FBN3: variants seen among roughly 807,000 people sequenced by gnomAD.
FBN3 encodes the protein fibrillin-3.
In FBN3, 234 loss-of-function variants were observed where a neutral mutation model predicts 330.1. The observed-to-expected ratio is 0.71, with a 90% CI of 0.64 to 0.79. The LOEUF is 0.79. Among genes scored for constraint, FBN3 ranks in the 30% least tolerant of loss-of-function variants. The pLI is 0.00. For missense variants in FBN3, 3,606 were observed against 3,886.9 expected (o/e 0.93, Z 1.92); for synonymous variants, 1,458 against 1,517.3 (o/e 0.96, Z 0.91).
intron 63 of FBN3, among the ~76,000 whole-genome samples, chr19:8,070,963 G>A (rs998571464): frequency 5.3e-5 from 8 of 151,548 alleles, no homozygotes; most frequent in East Asian, 1.9e-4. Flanking sequence ...CAGAGATTGC[G>A]GTCAGCCGAG....
chr19:8,118,988 G>C lies in FBN3; in HGVS notation c.3246C>G (p.Cys1082Trp), dbSNP rs1256921857. 6.2e-7 allele frequency: 1 copy of C among 1,609,786 alleles called. No homozygotes were observed. The highest frequency in any genetic ancestry group is 8.5e-7 in the Non-Finnish European group (1 of 1,176,568). Reference sequence around the variant, plus strand: ...CCGTGTTGGTGCAAGTGCCTCCCCGGCAGAGCAGCGGGTCCCTTGCACACT... The same window carrying C: ...CCGTGTTGGTGCAAGTGCCTCCCCGCCAGAGCAGCGGGTCCCTTGCACACT... ...VDECARDPLLCRGGTCTNTDG... is the reference protein window; with the variant it reads ...VDECARDPLLWRGGTCTNTDG... Residue 1082 changes from cysteine (C) to tryptophan (W), a missense_variant, in exon 26 of 64, where the codon TGC becomes TGG. By Grantham distance (215) the Cys-to-Trp change is radical. Transcript: ENST00000600128.
At chr19:8,090,872 G>T (rs1157716090) in intron 48 of FBN3, among the ~76,000 whole-genome samples, 1 of 152,106 alleles carries the variant, frequency 6.6e-6, no homozygotes, top group Non-Finnish European at 1.5e-5. Flanking sequence ...ATCAAACTTG[G>T]TGGTTACTCT....
intron 8 of FBN3, among the ~76,000 whole-genome samples, chr19:8,140,054 C>T (rs1198573355): frequency 2.0e-5 from 3 of 152,182 alleles, no homozygotes; most frequent in Admixed American, 6.5e-5. Context: ...GATCAACAGA[C>T]TCCTCCAAAG....
chr19:8,081,522 A>C, intron 57 of FBN3, 42 bp from the exon 58 acceptor site: 1 of 1,555,586 alleles, frequency 6.4e-7, no homozygotes, highest in Non-Finnish European at 8.7e-7. Flanking sequence ...GGTTAGACAG[A>C]CATTCCCTGG....
Position 8,096,062 on chromosome 19 carries a change from C to A in FBN3, c.5558G>T (p.Arg1853Leu). Reference sequence around the variant, plus strand: ...GCAGGTCCCATTTCCACAAGGCTGCCGGTCACACTCGTCAATGTCTGCAGA... The same window carrying A: ...GCAGGTCCCATTTCCACAAGGCTGCAGGTCACACTCGTCAATGTCTGCAGA... ...TLCMDIDECD[R>L]QPCGNGTCKN... Residue 1853 changes from arginine to leucine, a missense_variant, in exon 45 of 64, where the codon CGG becomes CTG. Arg to Leu is a moderately radical substitution (Grantham distance 102, BLOSUM62 -2). Transcript: ENST00000600128. The surrounding 1 kb of genome is among the most constrained non-coding windows in gnomAD (Gnocchi z 4.6). 1 of 1,613,686 alleles carries A rather than the reference C, an allele frequency of 6.2e-7. No individual in the cohort carries two copies. Among genetic ancestry groups the A allele is most frequent in the Non-Finnish European group, 8.5e-7 (1 of 1,179,662 alleles).
intron 47 of FBN3, 110 bp downstream of exon 47, chr19:8,094,336 T>C: frequency 1.7e-6 from 2 of 1,200,116 alleles, no homozygotes; most frequent in Middle Eastern, 3.9e-4. Flanking sequence ...TGACGCTGCG[T>C]TAAGTACATC....
rs2081528393 is a variant in FBN3 at position 8,072,142 on chromosome 19, T to G, written c.7994A>C (p.Glu2665Ala). 6.2e-7 allele frequency: 1 copy of G among 1,605,146 alleles called. No individual in the cohort carries two copies. The highest frequency in any genetic ancestry group is 1.3e-5 in the African/African-American group (1 of 74,596). ...SPGPQDTPDKEELLSSEACYE... is the reference protein window; with the variant it reads ...SPGPQDTPDKAELLSSEACYE... ...GCAGGCTTCAGACGAGAGCAGCTCC[T>G]CTTTGTCCGGGGTGTCCTGGGGTCC... is the stretch of plus-strand genomic sequence containing the variant. Residue 2665 changes from glutamate (E) to alanine (A), a missense_variant, in exon 63 of 64, where the codon GAG (glutamate) becomes GCG (alanine). Coordinates refer to ENST00000600128, the MANE Select transcript of FBN3 (RefSeq NM_032447.5).
rs147877510 is a variant in FBN3, at chr19:8,103,474, C to G, written c.4939+88G>C. ...CTTCATATATGCTTACCCTCCCTCT[C>G]CATAGGCTTGAAGGCTCCCAGCAGT... On this transcript the variant is annotated intron_variant, in intron 39 of 63. Transcript: ENST00000600128. 82 of 1,394,146 alleles carry G rather than the reference C, an allele frequency of 5.9e-5. No individual in the cohort carries two copies. In the African/African-American group the frequency reaches 1.1e-3, roughly 19 times the overall value. 86.4% of individuals were successfully genotyped at this position (1,394,146 alleles called of 1,614,324 possible). A position where few individuals can be genotyped will look rare whatever the true frequency, so the allele number is the denominator to read the frequency against.
intron 56 of FBN3, 95 bp from the exon 57 acceptor site, chr19:8,083,467 G>A (rs2081856440): frequency 1.3e-6 from 2 of 1,481,704 alleles, no homozygotes; most frequent in Non-Finnish European, 1.9e-6. Flanking sequence ...CGTCTCCTCG[G>A]AGGAAAGTCC....
rs2081853907 is a variant in FBN3 at position 8,083,387 on chromosome 19, G to T, written c.7088-15C>A. 1 of 1,613,570 alleles carries T rather than the reference G, an allele frequency of 6.2e-7. No individual in the cohort carries two copies. The stretch of plus-strand genomic sequence containing the variant: ...TTCATCTACATCTGGGAAAAAGTAG[G>T]GTGCAAATGGGGCTGGCTGGCTGCT... On this transcript the variant is annotated splice_polypyrimidine_tract_variant and intron_variant, in intron 56 of 63. Coordinates refer to ENST00000600128, the MANE Select transcript of FBN3 (RefSeq NM_032447.5).
At chr19:8,073,001 G>GTGCA (rs765047099) in intron 62 of FBN3, 62 bp downstream of exon 62, 1 of 972,868 alleles carries the variant, frequency 1.0e-6, no homozygotes, top group African/African-American at 1.7e-5. Context: ...GTGTGTGTGT[G>GTGCA]TGCGTGCGTG....
In FBN3 at chr19:8,100,894, C is replaced by G. The variant is rs769253010; in HGVS notation, c.5161+7G>C. On this transcript the variant is annotated splice_region_variant and intron_variant, in intron 41 of 63. Coordinates refer to ENST00000600128, the MANE Select transcript of FBN3 (RefSeq NM_032447.5). ...GCCCAGGGATAGAGCAGGGACCACT[C>G]ACTCACCAAGGGGCTTCCCCGTGTG... 10 of 1,612,898 alleles carry G rather than the reference C, an allele frequency of 6.2e-6. No individual in the cohort carries two copies. The highest frequency in any genetic ancestry group is 7.6e-6 in the Non-Finnish European group (9 of 1,179,162).
chr19:8,107,355 G>A (rs1176933991), intron 37 of FBN3, among the ~76,000 whole-genome samples: 2 of 141,464 alleles, frequency 1.4e-5, no homozygotes, highest in African/African-American at 2.7e-5. Flanking sequence ...AGAAGGATAG[G>A]AGGGGAATAA....
chr19:8,083,202 T>C (rs1474850872), intron 57 of FBN3, 45 bp downstream of exon 57: 1 of 1,610,784 alleles, frequency 6.2e-7, no homozygotes, highest in South Asian at 1.1e-5. Context: ...GCACAGAAGG[T>C]GGCCAGGCTG....
At position 8,073,280 on chromosome 19, in the gene FBN3, G is replaced by C; in HGVS notation, c.7720C>G (p.Leu2574Val). The C allele has an allele frequency of 6.2e-7, 1 of 1,613,750 alleles. No individual in the cohort carries two copies. Among genetic ancestry groups the C allele is most frequent in the Non-Finnish European group, 8.5e-7 (1 of 1,179,840 alleles). ...GCGCTCCCGCAGGTGGGGGGCGACAGGGCACACTCATTCTCATCTGTGGGA... is the reference window on the plus strand; with the variant it reads ...GCGCTCCCGCAGGTGGGGGGCGACACGGCACACTCATTCTCATCTGTGGGA... ...AQCVDENECA[L>V]SPPTCGSASC... Residue 2574 changes from leucine (L) to valine (V), a missense_variant, in exon 62 of 64, where the codon CTG becomes GTG. Physicochemically the swap from Leu to Val is conservative, Grantham distance 32 (BLOSUM62 1). Transcript: ENST00000600128.
At position 8,126,694 on chromosome 19, in the gene FBN3, G is replaced by A. The variant is rs374414772; in HGVS notation, c.2416+19C>T. On this transcript the variant is annotated intron_variant, in intron 19 of 63. Transcript: ENST00000600128. ...GACGCCCAGCCTCTGGAACGCCGTC[G>A]GGCTCCGGGGCCGCTCACCTAGACA... 1.2e-5 allele frequency: 19 copies of A among 1,580,834 alleles called. No homozygotes were observed. The African/African-American group carries it at 1.6e-4, about 13-fold the overall frequency.
chr19:8,146,134 C>T lies in FBN3; in HGVS notation c.342G>A (p.Val114=). The T allele has an allele frequency of 1.9e-6, 3 of 1,592,586 alleles. No homozygotes were observed. Among genetic ancestry groups the T allele is most frequent in the African/African-American group, 1.3e-5 (1 of 74,900 alleles). ...ADGTLAPSCG[V]SRGSGCSVSC... ...AGGCCGCTTCCCGCTCACCTCGGCT[C>T]ACCCCGCAGCTGGGAGCCAGCGTCC... Residue 114 remains valine (V), a synonymous_variant, in exon 4 of 64, where the codon GTG becomes GTA. Transcript: ENST00000600128.
intron 61 of FBN3, among the ~76,000 whole-genome samples, chr19:8,073,874 G>T (rs896871882): frequency 6.6e-6 from 1 of 152,090 alleles, no homozygotes; most frequent in Non-Finnish European, 1.5e-5. Context: ...GAGATGGGGG[G>T]TCTTGCTATG....
intron 38 of FBN3, among the ~76,000 whole-genome samples, chr19:8,104,879 T>C (rs1278597391): frequency 6.6e-6 from 1 of 151,970 alleles, no homozygotes; most frequent in Non-Finnish European, 1.5e-5. Flanking sequence ...TTATATAACT[T>C]TCTTTTCTTT....
Sources: allele counts gnomAD v4.1 joint callset (sites outside exome capture counted in the v4.1 genomes callset), GRCh38; gene constraint gnomAD v4.1.1; non-coding constraint Gnocchi (gnomAD v3.1); transcripts MANE v1.5; gene names NCBI Gene and HGNC (gene_info 2026-07-23, HGNC 2026-07-21).